Variants in SIPA1L2 observed in about 807,000 individuals in gnomAD.
SIPA1L2 encodes the protein signal-induced proliferation-associated 1-like protein 2.
Under a neutral mutation model 163.9 loss-of-function variants are expected in SIPA1L2, and 56 were observed. The ratio of observed to expected loss-of-function variants is 0.34; its 90% CI spans 0.28 to 0.43. The LOEUF is 0.43. Ranked by LOEUF, SIPA1L2 falls within the 20% of genes least tolerant of loss-of-function variation. The pLI is 1.00. For synonymous variants in SIPA1L2, 877 were observed against 865.7 expected (o/e 1.01, Z -0.23); for missense variants, 1,974 against 2,193.5 (o/e 0.90, Z 2.00).
intron 1 of SIPA1L2, among the ~76,000 whole-genome samples, chr1:232,606,044 T>C (rs993919729): frequency 3.3e-5 from 5 of 152,228 alleles, no homozygotes; most frequent in East Asian, 1.9e-4. Flanking sequence ...ATATATATTA[T>C]AGGCATCTTT....
intron 2 of SIPA1L2, among the ~76,000 whole-genome samples, chr1:232,519,079 C>T (rs1420375286): frequency 6.6e-6 from 1 of 152,106 alleles, no homozygotes; most frequent in African/African-American, 2.4e-5. Context: ...TGCTCCATGC[C>T]ATTTTCCCAA....
At chr1:232,621,057 C>T (rs906890803) in intron 1 of SIPA1L2, among the ~76,000 whole-genome samples, 5 of 152,184 alleles carry the variant, frequency 3.3e-5, no homozygotes, top group Non-Finnish European at 5.9e-5. Flanking sequence ...TTGTTTTCCT[C>T]TTATATTTCT....
At chr1:232,474,018 G>T (rs756856731) in intron 7 of SIPA1L2, among the ~76,000 whole-genome samples, 22 of 152,104 alleles carry the variant, frequency 1.4e-4, no homozygotes, top group Non-Finnish European at 2.4e-4. Flanking sequence ...GTTTTCTTTA[G>T]TATTTAGTTT....
At chr1:232,460,823 A>G (rs1664193594) in intron 10 of SIPA1L2, 64 bp downstream of exon 10, 1 of 1,561,438 alleles carries the variant, frequency 6.4e-7, no homozygotes, top group Non-Finnish European at 8.7e-7. Flanking sequence ...AGGAGCACTG[A>G]GGACAGCCAC....
chr1:232,423,154 T>C (rs920547002), intron 18 of SIPA1L2, among the ~76,000 whole-genome samples: 1 of 152,206 alleles, frequency 6.6e-6, no homozygotes, highest in Non-Finnish European at 1.5e-5. Flanking sequence ...TGTTGCAAGA[T>C]GATTTTGCCC....
intron 3 of SIPA1L2, 119 bp from the exon 4 acceptor site, chr1:232,493,779 G>A: frequency 1.6e-6 from 2 of 1,265,522 alleles, no homozygotes; most frequent in Non-Finnish European, 2.2e-6. Context: ...CATACACAGT[G>A]ATTTCCTTGT....
intron 18 of SIPA1L2, among the ~76,000 whole-genome samples, chr1:232,425,041 T>G (rs565985523): frequency 6.6e-6 from 1 of 152,120 alleles, no homozygotes; most frequent in South Asian, 2.1e-4. Flanking sequence ...GACTAGTAAG[T>G]TGAAATAAGC....
At chr1:232,620,010 G>A (rs1009578264) in intron 1 of SIPA1L2, among the ~76,000 whole-genome samples, 1 of 152,042 alleles carries the variant, frequency 6.6e-6, no homozygotes, top group Admixed American at 6.6e-5. Flanking sequence ...TCAGCCTCCT[G>A]AGTAGCTGGG....
At chr1:232,616,368 A>C (rs562235844) in intron 1 of SIPA1L2, among the ~76,000 whole-genome samples, 9 of 152,350 alleles carry the variant, frequency 5.9e-5, no homozygotes, top group Non-Finnish European at 1.3e-4. Context: ...CAGCTACACG[A>C]CATTCCCTAG....
At chr1:232,561,488 T>C (rs1432810871) in intron 2 of SIPA1L2, 1 of 152,168 alleles carries the variant, frequency 6.6e-6, no homozygotes, top group Non-Finnish European at 1.5e-5. Flanking sequence ...TGGAGCTGGA[T>C]ACACAGATCA....
intron 1 of SIPA1L2, among the ~76,000 whole-genome samples, chr1:232,626,812 T>C (rs564323631): frequency 1.3e-5 from 2 of 152,302 alleles, no homozygotes; most frequent in African/African-American, 2.4e-5. Flanking sequence ...GCGTTCGTCT[T>C]AAACCTTAAA....
chr1:232,624,825 G>A (rs1005078891), intron 1 of SIPA1L2, among the ~76,000 whole-genome samples: 3 of 152,114 alleles, frequency 2.0e-5, no homozygotes, highest in Admixed American at 6.5e-5. Flanking sequence ...AAACAAAACC[G>A]GAAGAGACTG....
At chr1:232,559,455 G>A (rs1235665291) in intron 2 of SIPA1L2, among the ~76,000 whole-genome samples, 1 of 152,296 alleles carries the variant, frequency 6.6e-6, no homozygotes, top group Non-Finnish European at 1.5e-5. Context: ...CCCGGTCAGT[G>A]TTCTTGAAAA....
chr1:232,405,304 A>G (rs1276969546), intron 19 of SIPA1L2, among the ~76,000 whole-genome samples: 2 of 152,244 alleles, frequency 1.3e-5, no homozygotes, highest in Non-Finnish European at 2.9e-5. Context: ...AGGCAGGCAG[A>G]TGTCTTTCAA....
intron 17 of SIPA1L2, among the ~76,000 whole-genome samples, chr1:232,426,341 CA>C (rs1003612889): frequency 1.3e-5 from 2 of 152,162 alleles, no homozygotes; most frequent in Non-Finnish European, 2.9e-5. Flanking sequence ...AGCAGCAGTC[CA>C]ATAAAGTCTT....
intron 1 of SIPA1L2, among the ~76,000 whole-genome samples, chr1:232,576,023 G>A (rs1388871990): frequency 6.6e-6 from 1 of 152,186 alleles, no homozygotes; most frequent in Non-Finnish European, 1.5e-5. Context: ...GGATTGGGGT[G>A]AGGGGAAATG....
intron 9 of SIPA1L2, among the ~76,000 whole-genome samples, chr1:232,463,317 G>A (rs1664335841): frequency 6.6e-6 from 1 of 152,098 alleles, no homozygotes; most frequent in South Asian, 2.1e-4. Context: ...CAAACGGGCA[G>A]GCATTCCCAA....
At chr1:232,415,741 G>A in intron 18 of SIPA1L2, 116 bp from the exon 19 acceptor site, 2 of 1,410,548 alleles carry the variant, frequency 1.4e-6, no homozygotes, top group Non-Finnish European at 2.0e-6. Context: ...CAGAACACGG[G>A]CACCACTGCC....
intron 1 of SIPA1L2, among the ~76,000 whole-genome samples, chr1:232,598,752 G>T (rs1365509819): frequency 1.3e-5 from 2 of 152,074 alleles, no homozygotes; most frequent in African/African-American, 4.8e-5. Context: ...CAGGCCTCAT[G>T]ACCTAATCAC....
Sources: allele counts gnomAD v4.1 joint callset (sites outside exome capture counted in the v4.1 genomes callset), GRCh38; gene constraint gnomAD v4.1.1; transcripts MANE v1.5; gene names NCBI Gene and HGNC (gene_info 2026-07-23, HGNC 2026-07-21).